Variants in CHRM5 observed in about 807,000 individuals in gnomAD.
The protein encoded by CHRM5 is muscarinic acetylcholine receptor M5.
A neutral mutation model predicts 39.0 loss-of-function variants in CHRM5; 18 were observed. The ratio of observed to expected loss-of-function variants is 0.46; its 90% CI spans 0.32 to 0.68. CHRM5 has a LOEUF of 0.68. Ranked by LOEUF, CHRM5 falls within the 30% of genes least tolerant of loss-of-function variation. The pLI is 0.04. For synonymous variants in CHRM5, 241 were observed against 246.3 expected, an observed-to-expected ratio of 0.98 and a Z score of 0.20; for missense variants, 515 against 651.1, an observed-to-expected ratio of 0.79 and a Z score of 2.28.
At chr15:34,018,937 T>C (rs1214740879) in intron 1 of CHRM5, among the ~76,000 whole-genome samples, 2 of 152,102 alleles carry the variant, frequency 1.3e-5, no homozygotes, top group Non-Finnish European at 2.9e-5. Context: ...TTGGTGTTTT[T>C]TACAATCCTT....
At chr15:34,046,336 G>A (rs1899678746) in intron 1 of CHRM5, among the ~76,000 whole-genome samples, 1 of 70,414 alleles carries the variant, frequency 1.4e-5, no homozygotes, top group African/African-American at 5.0e-5. Flanking sequence ...CCCAAAAAGT[G>A]AGGCAGGAAA....
intron 1 of CHRM5, among the ~76,000 whole-genome samples, chr15:33,990,326 G>C (rs1297533533): frequency 6.6e-6 from 1 of 152,234 alleles, no homozygotes; most frequent in Non-Finnish European, 1.5e-5. Context: ...AGGCTGCAGT[G>C]AGCCGAGATC....
intron 1 of CHRM5, among the ~76,000 whole-genome samples, chr15:34,024,042 T>C (rs1898328802): frequency 6.6e-6 from 1 of 152,144 alleles, no homozygotes; most frequent in African/African-American, 2.4e-5. Flanking sequence ...AGAAAATAAA[T>C]GTGAATGTTT....
intron 1 of CHRM5, among the ~76,000 whole-genome samples, chr15:34,014,960 C>T (rs1008005356): frequency 6.6e-5 from 10 of 152,106 alleles, no homozygotes; most frequent in Admixed American, 2.6e-4. Context: ...TGAGGGGTGC[C>T]GGATTTGAGA....
intron 1 of CHRM5, among the ~76,000 whole-genome samples, chr15:33,986,075 C>T (rs1321024617): frequency 6.7e-6 from 1 of 149,582 alleles, no homozygotes; most frequent in African/African-American, 2.5e-5. Context: ...TTGTGAAAAC[C>T]TCACATTTCA....
intron 1 of CHRM5, among the ~76,000 whole-genome samples, chr15:34,004,387 G>A (rs1897252921): frequency 6.6e-6 from 1 of 152,170 alleles, no homozygotes. Flanking sequence ...GAAAAAAATG[G>A]TGGGAGAGGA....
chr15:33,995,208 G>A (rs1896884425), intron 1 of CHRM5, among the ~76,000 whole-genome samples: 1 of 152,100 alleles, frequency 6.6e-6, no homozygotes, highest in South Asian at 2.1e-4. Context: ...AGGCTGCAGT[G>A]AGCTATGATC....
chr15:34,064,010 A>C lies in CHRM5; in HGVS notation c.1293A>C (p.Arg431Ser). Residue 431 changes from arginine to serine, a missense_variant, in exon 3 of 3, where the codon AGA becomes AGC. Transcript: ENST00000383263. ...GCCATCAAATGACCAAACGAAAGAG[A>C]GTGGTCCTAGTCAAAGAGAGGAAAG... ...NPSHQMTKRK[R>S]VVLVKERKAA... 6 of 1,614,154 alleles carry C rather than the reference A, an allele frequency of 3.7e-6. No homozygotes were observed. Among genetic ancestry groups the C allele is most frequent in the Non-Finnish European group, 5.1e-6 (6 of 1,180,034 alleles).
intron 1 of CHRM5, among the ~76,000 whole-genome samples, chr15:34,010,076 T>C (rs1897570632): frequency 6.6e-6 from 1 of 151,558 alleles, no homozygotes; most frequent in South Asian, 2.1e-4. Context: ...GAATAGAAAG[T>C]TTAACAATAA....
intron 1 of CHRM5, among the ~76,000 whole-genome samples, chr15:34,036,946 T>C (rs1342091087): frequency 6.6e-6 from 1 of 151,810 alleles, no homozygotes; most frequent in Non-Finnish European, 1.5e-5. Context: ...CCCATCTCTA[T>C]TAAAAATACA....
intron 1 of CHRM5, among the ~76,000 whole-genome samples, chr15:34,018,053 T>C (rs1271656782): frequency 6.6e-6 from 1 of 152,260 alleles, no homozygotes; most frequent in Admixed American, 6.5e-5. Context: ...AAATGGTTTA[T>C]GTATTTACTA....
intron 1 of CHRM5, among the ~76,000 whole-genome samples, chr15:33,988,193 G>A (rs1359529013): frequency 6.6e-6 from 1 of 151,960 alleles, no homozygotes; most frequent in Non-Finnish European, 1.5e-5. Flanking sequence ...TTCTTTTTTT[G>A]CAGAAACAAA....
rs1433063698 is a variant in CHRM5 at position 34,063,504 on chromosome 15, C to A, written c.787C>A (p.Gln263Lys). 1.9e-6 allele frequency: 3 copies of A among 1,613,822 alleles called. No homozygotes were observed. The highest frequency in any genetic ancestry group is 1.7e-5 in the Admixed American group (1 of 60,024). The change falls in exon 3 of 3, where the codon CAG becomes AAG. Residue 263 changes from glutamine to lysine, a missense_variant. Physicochemically the swap from Gln to Lys is moderately conservative, Grantham distance 53 (BLOSUM62 1). Transcript: ENST00000383263. The surrounding 1 kb of genome is among the most constrained non-coding windows in gnomAD (Gnocchi z 4.1). ...GCGCTGTCCTCGACCCACCCTGGCC[C>A]AGCGGGAAAGGAACCAGGCCTCCTG... ...CLRCPRPTLA[Q>K]RERNQASWSS... is the part of the protein sequence containing the mutation.
Position 34,063,745 on chromosome 15 carries a change from A to T in CHRM5, c.1028A>T (p.Glu343Val), listed in dbSNP as rs760369967. ...PGEEFSAEET[E>V]ETFVKAETEK... Reference sequence around the variant, plus strand: ...GAAGAATTCAGTGCTGAAGAGACTGAGGAAACTTTTGTGAAAGCTGAAACT... The same window carrying T: ...GAAGAATTCAGTGCTGAAGAGACTGTGGAAACTTTTGTGAAAGCTGAAACT... Residue 343 changes from glutamate to valine, a missense_variant, in exon 3 of 3, where the codon GAG (glutamate) becomes GTG (valine). By Grantham distance (121) the Glu-to-Val change is moderately radical. Coordinates refer to ENST00000383263, the MANE Select transcript of CHRM5 (RefSeq NM_012125.4). The surrounding 1 kb of genome is among the most constrained non-coding windows in gnomAD (Gnocchi z 4.1). 1.7e-5 allele frequency: 28 copies of T among 1,614,136 alleles called. No individual in the cohort carries two copies. The East Asian group carries it at 6.0e-4, about 35-fold the overall frequency.
chr15:34,047,481 G>A (rs1309305807), intron 2 of CHRM5, among the ~76,000 whole-genome samples: 4 of 152,172 alleles, frequency 2.6e-5, no homozygotes, highest in Admixed American at 2.6e-4. Flanking sequence ...GAGCCAAGCA[G>A]CATCTTTCTG....
Position 34,063,085 on chromosome 15 carries a change from T to C in CHRM5, c.368T>C (p.Val123Ala), listed in dbSNP as rs1019440264. The C allele has an allele frequency of 1.2e-6, 2 of 1,614,088 alleles. No individual in the cohort carries two copies. The highest frequency in any genetic ancestry group is 1.7e-6 in the Non-Finnish European group (2 of 1,180,044). ...ASNASVMNLL[V>A]ISFDRYFSIT... is the part of the protein sequence containing the mutation. ...AACGCTTCTGTCATGAACCTTCTGG[T>C]GATCAGTTTTGACCGTTACTTTTCC... is the stretch of plus-strand genomic sequence containing the variant. The change falls in exon 3 of 3, where the codon GTG becomes GCG. Residue 123 changes from valine (V) to alanine (A), a missense_variant. Physicochemically the swap from Val to Ala is moderately conservative, Grantham distance 64. Coordinates refer to ENST00000383263, the MANE Select transcript of CHRM5 (RefSeq NM_012125.4). This position sits in a 1 kb window ranked among gnomAD's most constrained non-coding sequence, Gnocchi z 4.1.
At chr15:34,012,058 T>C (rs1897661006) in intron 1 of CHRM5, among the ~76,000 whole-genome samples, 1 of 152,194 alleles carries the variant, frequency 6.6e-6, no homozygotes, top group South Asian at 2.1e-4. Context: ...TTATAAGAAT[T>C]TGGGACTTCT....
intron 1 of CHRM5, among the ~76,000 whole-genome samples, chr15:34,042,676 T>A (rs1213755123): frequency 6.6e-6 from 1 of 152,044 alleles, no homozygotes; most frequent in Non-Finnish European, 1.5e-5. Context: ...GTGCTGGGAT[T>A]ACAGGCAACA....
chr15:33,986,292 G>A (rs970439313), intron 1 of CHRM5, among the ~76,000 whole-genome samples: 1 of 151,770 alleles, frequency 6.6e-6, no homozygotes, highest in Non-Finnish European at 1.5e-5. Flanking sequence ...TGTATTTTTA[G>A]TAGAAACGGG....
Sources: allele counts gnomAD v4.1 joint callset (sites outside exome capture counted in the v4.1 genomes callset), GRCh38; gene constraint gnomAD v4.1.1; non-coding constraint Gnocchi (gnomAD v3.1); transcripts MANE v1.5; gene names NCBI Gene and HGNC (gene_info 2026-07-23, HGNC 2026-07-21).